Variants in FRMD5 observed in about 807,000 individuals in gnomAD.
FRMD5 encodes the protein FERM domain-containing protein 5.
A neutral mutation model predicts 69.0 loss-of-function variants in FRMD5; 20 were observed. The ratio of observed to expected loss-of-function variants is 0.29; its 90% CI spans 0.20 to 0.42. The LOEUF is 0.42. Ranked by LOEUF, FRMD5 falls within the 10% of genes least tolerant of loss-of-function variation. The probability of loss-of-function intolerance (pLI) is 1.00; values close to 1 mark genes in which losing one functional copy is unlikely to be tolerated. For synonymous variants in FRMD5, 271 were observed against 260.1 expected (o/e 1.04, Z -0.40); for missense variants, 595 against 708.6 (o/e 0.84, Z 1.82).
intron 5 of FRMD5, among the ~76,000 whole-genome samples, chr15:43,906,897 G>T (rs570979413): frequency 1.9e-4 from 29 of 152,212 alleles, no homozygotes; most frequent in African/African-American, 6.5e-4. Context: ...CACCGCACCC[G>T]GCCGAGAAGC....
chr15:44,138,442 G>C (rs1164178215), intron 1 of FRMD5, among the ~76,000 whole-genome samples: 2 of 152,142 alleles, frequency 1.3e-5, no homozygotes, highest in African/African-American at 4.8e-5. Context: ...CAATTAGACT[G>C]ACAGCAAACA....
chr15:44,047,323 G>A (rs914958544), intron 1 of FRMD5, among the ~76,000 whole-genome samples: 1 of 151,856 alleles, frequency 6.6e-6, no homozygotes, highest in Admixed American at 6.6e-5. Context: ...GAGGGGAGGG[G>A]AGAGGAGGGG....
chr15:44,072,089 C>T (rs1269818466), intron 1 of FRMD5, among the ~76,000 whole-genome samples: 1 of 152,192 alleles, frequency 6.6e-6, no homozygotes, highest in Non-Finnish European at 1.5e-5. Flanking sequence ...TGGTCTCTAA[C>T]TCTTGACCTC....
At chr15:44,158,912 A>G (rs536306864) in intron 1 of FRMD5, among the ~76,000 whole-genome samples, 1 of 152,346 alleles carries the variant, frequency 6.6e-6, no homozygotes, top group South Asian at 2.1e-4. Flanking sequence ...ACATACCTAC[A>G]ATCACAATAT....
Position 44,122,246 on chromosome 15 carries a change from G to A in FRMD5, c.102+72707C>T, listed in dbSNP as rs533155782. ...GGCATAAATAAATTAAAAGTTATAC[G>A]TCAAGTAGATAAGACTAAGTTTTGA... On this transcript the variant is annotated intron_variant, in intron 1 of 13. Transcript: ENST00000417257. 1.1e-4 allele frequency among the ~76,000 whole-genome samples: 17 copies of A among 152,174 alleles called. No individual in the cohort carries two copies. In the East Asian group the frequency reaches 1.2e-3, roughly 10 times the overall value.
chr15:44,170,709 C>G (rs564824643), intron 1 of FRMD5, among the ~76,000 whole-genome samples: 1 of 152,206 alleles, frequency 6.6e-6, no homozygotes, highest in East Asian at 1.9e-4. Flanking sequence ...TGAACCCTGC[C>G]AGCCACTTTT....
chr15:44,157,512 C>G (rs547962813), intron 1 of FRMD5, among the ~76,000 whole-genome samples: 4 of 152,048 alleles, frequency 2.6e-5, no homozygotes, highest in Admixed American at 1.3e-4. Flanking sequence ...TTCATAATGA[C>G]GACTTAAAAA....
intron 5 of FRMD5, 48 bp from the exon 6 acceptor site, chr15:43,905,999 A>T (rs1215787708): frequency 3.7e-6 from 6 of 1,612,012 alleles, no homozygotes; most frequent in Non-Finnish European, 5.1e-6. Flanking sequence ...CAGGTAAATC[A>T]TCATTGACAA....
At chr15:43,922,255 TACTTA>T (rs1449838095) in intron 2 of FRMD5, among the ~76,000 whole-genome samples, 2 of 152,256 alleles carry the variant, frequency 1.3e-5, no homozygotes, top group African/African-American at 4.8e-5. Context: ...TGGGGCAAGT[TACTTA>T]ACTTGTCTGA....
intron 1 of FRMD5, among the ~76,000 whole-genome samples, chr15:44,058,462 C>T (rs1452186369): frequency 6.6e-6 from 1 of 152,126 alleles, no homozygotes; most frequent in African/African-American, 2.4e-5. Flanking sequence ...CTTAAAGCCA[C>T]TGAATTATGT....
intron 13 of FRMD5, among the ~76,000 whole-genome samples, chr15:43,875,066 C>T (rs540916096): frequency 1.3e-5 from 2 of 152,006 alleles, no homozygotes; most frequent in Non-Finnish European, 2.9e-5. Context: ...CGTGTGGTGG[C>T]GGGCATCTGT....
chr15:43,922,281 A>G (rs139527515), intron 2 of FRMD5, among the ~76,000 whole-genome samples: 1 of 152,154 alleles, frequency 6.6e-6, no homozygotes, highest in East Asian at 1.9e-4. Context: ...GACTTTATTT[A>G]CTCATCTGGA....
intron 1 of FRMD5, among the ~76,000 whole-genome samples, chr15:44,157,333 T>G (rs1284820760): frequency 6.6e-6 from 1 of 152,210 alleles, no homozygotes; most frequent in Non-Finnish European, 1.5e-5. Flanking sequence ...CAATATTCTA[T>G]ATTTGTAATC....
intron 1 of FRMD5, among the ~76,000 whole-genome samples, chr15:44,024,290 T>C (rs1382551380): frequency 3.3e-5 from 5 of 152,150 alleles, no homozygotes; most frequent in Admixed American, 3.3e-4. Flanking sequence ...ATATTGGCAC[T>C]AAACATGTCT....
At chr15:44,124,653 C>T (rs2077001367) in intron 1 of FRMD5, among the ~76,000 whole-genome samples, 1 of 152,052 alleles carries the variant, frequency 6.6e-6, no homozygotes, top group South Asian at 2.1e-4. Context: ...GAGCCAAGAT[C>T]ATCCCACTGC....
intron 1 of FRMD5, among the ~76,000 whole-genome samples, chr15:44,025,842 A>G (rs975030466): frequency 9.2e-5 from 14 of 152,232 alleles, no homozygotes; most frequent in African/African-American, 2.9e-4. Context: ...AATCAGCAAC[A>G]TATGATTTTC....
At chr15:44,072,359 G>T (rs901679009) in intron 1 of FRMD5, among the ~76,000 whole-genome samples, 1 of 152,112 alleles carries the variant, frequency 6.6e-6, no homozygotes, top group African/African-American at 2.4e-5. Flanking sequence ...TGATAGAAAA[G>T]AACCCACTCC....
intron 1 of FRMD5, among the ~76,000 whole-genome samples, chr15:44,185,411 T>C (rs576344112): frequency 6.6e-6 from 1 of 152,332 alleles, no homozygotes; most frequent in South Asian, 2.1e-4. Context: ...ATATGCCTTA[T>C]AACATTCCAG....
At chr15:44,049,595 G>C (rs190710539) in intron 1 of FRMD5, among the ~76,000 whole-genome samples, 1 of 152,220 alleles carries the variant, frequency 6.6e-6, no homozygotes, top group Non-Finnish European at 1.5e-5. Context: ...AAAAAAGATA[G>C]AATAGATATT....
Sources: allele counts gnomAD v4.1 joint callset (sites outside exome capture counted in the v4.1 genomes callset), GRCh38; gene constraint gnomAD v4.1.1; transcripts MANE v1.5; gene names NCBI Gene and HGNC (gene_info 2026-07-23, HGNC 2026-07-21).